Variants in LRRC37A2 observed in about 807,000 individuals in gnomAD.
The protein encoded by LRRC37A2 is leucine-rich repeat-containing protein 37A2.
A neutral mutation model predicts 68.8 loss-of-function variants in LRRC37A2; 9 were observed. The ratio of observed to expected loss-of-function variants is 0.13; its 90% CI spans 0.08 to 0.23. The LOEUF is 0.23. LRRC37A2 is among the 10% of genes least tolerant of loss of function. The pLI is 1.00. For synonymous variants in LRRC37A2, 63 were observed against 367.6 expected (o/e 0.17, Z 9.48); for missense variants, 168 against 950.4 (o/e 0.18, Z 10.82).
the LRRC37A2 span, among the ~76,000 whole-genome samples, chr17:46,799,723 C>T: frequency 6.6e-6 from 1 of 152,206 alleles, no homozygotes; most frequent in African/African-American, 2.4e-5. Flanking sequence ...GTAGGGATTA[C>T]AGGCATGAGC....
the LRRC37A2 span, among the ~76,000 whole-genome samples, chr17:47,044,274 C>G: frequency 6.6e-6 from 1 of 151,136 alleles, no homozygotes; most frequent in Non-Finnish European, 1.5e-5. Context: ...ATCCTGGTAA[C>G]AGTTCTAGAT....
chr17:46,879,251 G>T, the LRRC37A2 span, among the ~76,000 whole-genome samples: 2 of 152,230 alleles, frequency 1.3e-5, no homozygotes, highest in Non-Finnish European at 2.9e-5. Flanking sequence ...TGACCTGACC[G>T]GGTCCCCCAC....
chr17:46,917,500 T>C, the LRRC37A2 span, among the ~76,000 whole-genome samples: 1 of 152,216 alleles, frequency 6.6e-6, no homozygotes, highest in Non-Finnish European at 1.5e-5. Flanking sequence ...CCCCAAAGCT[T>C]TGGGCAGTCC....
the LRRC37A2 span, among the ~76,000 whole-genome samples, chr17:46,727,420 A>G: frequency 9.2e-5 from 14 of 152,218 alleles, no homozygotes; most frequent in Non-Finnish European, 1.6e-4. Flanking sequence ...CTGGTGACTT[A>G]ATAACATCTG....
chr17:46,537,161 CTTTTTTTTT>C (rs1212155417), intron 6 of LRRC37A2, among the ~76,000 whole-genome samples: 2 of 7,782 alleles, frequency 2.6e-4, no homozygotes, highest in Non-Finnish European at 5.0e-4. Flanking sequence ...TTGGATGTCT[CTTTTTTTTT>C]TTTTTTTTTT....
chr17:46,477,543 C>CA, the LRRC37A2 span, among the ~76,000 whole-genome samples: 1 of 53,190 alleles, frequency 1.9e-5, no homozygotes, highest in Non-Finnish European at 4.8e-5. Context: ...ATTCCGTCTC[C>CA]AAAAAAAAAA....
chr17:46,833,973 A>C, the LRRC37A2 span, among the ~76,000 whole-genome samples: 15 of 152,098 alleles, frequency 9.9e-5, no homozygotes, highest in African/African-American at 3.6e-4. Context: ...AGGCAGGAGG[A>C]TCACTTGAGG....
the LRRC37A2 span, chr17:46,930,854 C>A: frequency 2.3e-6 from 1 of 439,038 alleles, no homozygotes; most frequent in Non-Finnish European, 4.1e-6. Flanking sequence ...ACAGATTTAC[C>A]TTCAGCTTTT....
At chr17:46,712,588 C>T in the LRRC37A2 span, among the ~76,000 whole-genome samples, 18 of 152,148 alleles carry the variant, frequency 1.2e-4, no homozygotes, top group East Asian at 1.3e-3. Context: ...AGAAGTAAAT[C>T]GGAAATGTTG....
the LRRC37A2 span, among the ~76,000 whole-genome samples, chr17:46,486,245 G>A: frequency 9.8e-6 from 1 of 101,772 alleles, no homozygotes; most frequent in East Asian, 2.4e-4. Context: ...TAAGTGGATT[G>A]TACAGTATTT....
At chr17:46,610,099 T>TTC in the LRRC37A2 span, among the ~76,000 whole-genome samples, 41,863 of 87,910 alleles carry the variant, frequency 0.48, 8,729 homozygotes, top group Non-Finnish European at 0.62. Context: ...TTTTCTCTCT[T>TTC]TCTCTCTCTC....
chr17:46,856,480 TTTTC>T, the LRRC37A2 span, among the ~76,000 whole-genome samples: 4 of 151,568 alleles, frequency 2.6e-5, no homozygotes, highest in African/African-American at 9.7e-5. Flanking sequence ...AATGCATGCT[TTTTC>T]TTTCTTTTTT....
chr17:46,825,795 G>A, the LRRC37A2 span, among the ~76,000 whole-genome samples: 1 of 152,212 alleles, frequency 6.6e-6, no homozygotes, highest in Non-Finnish European at 1.5e-5. Flanking sequence ...AGGCCGAGGT[G>A]GGCGGATCAC....
At chr17:46,866,664 C>T in the LRRC37A2 span, among the ~76,000 whole-genome samples, 76 of 152,160 alleles carry the variant, frequency 5.0e-4, no homozygotes, top group African/African-American at 1.7e-3. Flanking sequence ...TTCCCGGTTC[C>T]CAGGCAGCTG....
chr17:46,963,159 A>G, the LRRC37A2 span, among the ~76,000 whole-genome samples: 1 of 152,268 alleles, frequency 6.6e-6, no homozygotes, highest in Non-Finnish European at 1.5e-5. Flanking sequence ...CATGATGTCT[A>G]TATGAGCACC....
the LRRC37A2 span, among the ~76,000 whole-genome samples, chr17:46,785,791 G>T: frequency 6.6e-6 from 1 of 152,136 alleles, no homozygotes; most frequent in Admixed American, 6.5e-5. Context: ...GAGGCTGCGG[G>T]CCCTGTGCTC....
chr17:46,854,411 C>A, the LRRC37A2 span, among the ~76,000 whole-genome samples: 2 of 151,918 alleles, frequency 1.3e-5, no homozygotes, highest in Non-Finnish European at 2.9e-5. Context: ...CAGGTGAGGC[C>A]GATCTTCTTG....
the LRRC37A2 span, among the ~76,000 whole-genome samples, chr17:46,494,280 C>T: frequency 6.6e-6 from 1 of 150,416 alleles, no homozygotes; most frequent in Admixed American, 6.6e-5. Context: ...TTTCCCAGAG[C>T]ATAAGTTTTA....
At chr17:47,001,717 C>CTTTTTTTTTTTTT in the LRRC37A2 span, among the ~76,000 whole-genome samples, 9 of 108,614 alleles carry the variant, frequency 8.3e-5, no homozygotes, top group South Asian at 6.0e-4. Context: ...CTCTTTTTTC[C>CTTTTTTTTTTTTT]TTTTTTTTTT....
Sources: gnomAD v4.1 joint callset for allele counts (sites outside exome capture counted in the v4.1 genomes callset) on GRCh38, gnomAD v4.1.1 for gene constraint, MANE v1.5 for transcripts, NCBI Gene and HGNC (gene_info 2026-07-23, HGNC 2026-07-21) for gene names.